Variants in STRN observed in about 807,000 individuals in gnomAD.
The protein encoded by STRN is protein phosphatase 2 regulatory subunit B'''alpha.
STRN carries 53 observed loss-of-function variants against 96.3 expected under a neutral mutation model. The observed-to-expected ratio is 0.55, with a 90% CI of 0.44 to 0.69. The LOEUF is 0.69. Among genes scored for constraint, STRN ranks in the 30% least tolerant of loss-of-function variants. The pLI, the probability that STRN is intolerant of heterozygous loss-of-function variation, is 0.00. For missense variants in STRN, 987 were observed against 963.9 expected (o/e 1.02, Z -0.32); for synonymous variants, 428 against 355.9 (o/e 1.20, Z -2.28).
At chr2:36,941,531 A>G (rs975978977) in intron 1 of STRN, among the ~76,000 whole-genome samples, 25 of 151,814 alleles carry the variant, frequency 1.6e-4, no homozygotes, top group Admixed American at 7.2e-4. Flanking sequence ...GCAAAATTTT[A>G]TAACTTATTT....
chr2:36,928,335 G>A (rs1315656479), intron 1 of STRN, among the ~76,000 whole-genome samples: 1 of 152,120 alleles, frequency 6.6e-6, no homozygotes, highest in Admixed American at 6.6e-5. Flanking sequence ...GAAAAAAAGG[G>A]AAGGAAAAAA....
chr2:36,870,050 T>C (rs565364767), intron 10 of STRN, among the ~76,000 whole-genome samples: 1 of 152,298 alleles, frequency 6.6e-6, no homozygotes, highest in African/African-American at 2.4e-5. Flanking sequence ...AATTATAGTA[T>C]ACAAGTATAA....
At chr2:36,910,622 T>C (rs916601897) in intron 3 of STRN, among the ~76,000 whole-genome samples, 3 of 152,130 alleles carry the variant, frequency 2.0e-5, no homozygotes, top group Admixed American at 6.5e-5. Context: ...AGAGATAAAA[T>C]TGAATCCTAA....
At chr2:36,929,256 A>G (rs1304064568) in intron 1 of STRN, among the ~76,000 whole-genome samples, 1 of 152,226 alleles carries the variant, frequency 6.6e-6, no homozygotes, top group Non-Finnish European at 1.5e-5. Flanking sequence ...TTTCAATTCT[A>G]ATTTGTCAAA....
chr2:36,955,549 T>C (rs1162676260), intron 1 of STRN, among the ~76,000 whole-genome samples: 1 of 152,196 alleles, frequency 6.6e-6, no homozygotes, highest in Non-Finnish European at 1.5e-5. Context: ...CTCTGCTCTT[T>C]CCACCCCTCT....
chr2:36,850,062 A>G (rs933876426), intron 16 of STRN, among the ~76,000 whole-genome samples: 1 of 152,198 alleles, frequency 6.6e-6, no homozygotes, highest in Non-Finnish European at 1.5e-5. Context: ...TCTACACGCA[A>G]CCCTTAAGCC....
At position 36,867,496 on chromosome 2, in the gene STRN, G is replaced by A. The variant is rs73924922; in HGVS notation, c.1547+318C>T. 5.7e-3 allele frequency: 1,080 copies of A among 188,246 alleles called. 12 individuals carry two copies. The highest frequency in any genetic ancestry group is 0.023 in the African/African-American group (997 of 43,230). 11.7% of individuals were successfully genotyped at this position (188,246 alleles called of 1,614,324 possible). A position where few individuals can be genotyped will look rare whatever the true frequency, so the allele number is the denominator to read the frequency against. Reference sequence around the variant, plus strand: ...TGTAGGGTATCTACTACCAAAGGAGGCACTTGAATATTTTAATCCAAATTA... The same window carrying A: ...TGTAGGGTATCTACTACCAAAGGAGACACTTGAATATTTTAATCCAAATTA... On this transcript the variant is annotated intron_variant, in intron 12 of 17. Coordinates refer to ENST00000263918, the MANE Select transcript of STRN (RefSeq NM_003162.4).
At chr2:36,871,673 C>T (rs1668765757) in intron 10 of STRN, among the ~76,000 whole-genome samples, 1 of 152,158 alleles carries the variant, frequency 6.6e-6, no homozygotes, top group Non-Finnish European at 1.5e-5. Flanking sequence ...TTGACCATTA[C>T]TGAAAATACT....
At chr2:36,942,859 C>G (rs1468582901) in intron 1 of STRN, among the ~76,000 whole-genome samples, 4 of 150,858 alleles carry the variant, frequency 2.7e-5, no homozygotes, top group Admixed American at 6.6e-5. Flanking sequence ...CCACACCCAG[C>G]TAATTTTTGA....
chr2:36,929,686 T>C (rs1023435833), intron 1 of STRN, among the ~76,000 whole-genome samples: 3 of 152,160 alleles, frequency 2.0e-5, no homozygotes, highest in Non-Finnish European at 4.4e-5. Context: ...CCCAGCCTTA[T>C]TGAAGCCATT....
In STRN at chr2:36,924,796, C is replaced by A. The variant is rs543630667; in HGVS notation, c.338+309G>T. The stretch of plus-strand genomic sequence containing the variant: ...TTTTGGCCAGGCCCAGTGGCTCACA[C>A]CTGTAATCCCAGCACTTTAGGAGGC... On this transcript the variant is annotated intron_variant, in intron 2 of 17. Coordinates refer to ENST00000263918, the MANE Select transcript of STRN (RefSeq NM_003162.4). 2.6e-5 allele frequency among the ~76,000 whole-genome samples: 4 copies of A among 152,318 alleles called. No individual in the cohort carries two copies. In the South Asian group the frequency reaches 6.2e-4, roughly 24 times the overall value.
intron 1 of STRN, among the ~76,000 whole-genome samples, chr2:36,950,545 C>T (rs1352630226): frequency 6.6e-6 from 1 of 152,076 alleles, no homozygotes; most frequent in African/African-American, 2.4e-5. Context: ...GTGGAGATGA[C>T]CATTGGCATA....
chr2:36,869,445 G>C, intron 11 of STRN, 109 bp downstream of exon 11: 3 of 1,043,368 alleles, frequency 2.9e-6, no homozygotes, highest in Non-Finnish European at 3.9e-6. Context: ...ATGGAAGAAA[G>C]AACTAGAAGA....
At chr2:36,904,479 C>T (rs538524531) in intron 4 of STRN, among the ~76,000 whole-genome samples, 1 of 152,248 alleles carries the variant, frequency 6.6e-6, no homozygotes, top group East Asian at 1.9e-4. Context: ...GATATCAGAA[C>T]CTCAACCCAT....
At chr2:36,921,622 CT>C (rs1349053194) in intron 2 of STRN, among the ~76,000 whole-genome samples, 2 of 152,186 alleles carry the variant, frequency 1.3e-5, no homozygotes, top group Non-Finnish European at 2.9e-5. Flanking sequence ...CTCAAATTAT[CT>C]TTCTCATTCA....
At chr2:36,929,639 T>A (rs1318356472) in intron 1 of STRN, among the ~76,000 whole-genome samples, 1 of 152,190 alleles carries the variant, frequency 6.6e-6, no homozygotes, top group Non-Finnish European at 1.5e-5. Flanking sequence ...CACCTCAGCC[T>A]CCCTAAGCGC....
intron 15 of STRN, among the ~76,000 whole-genome samples, chr2:36,854,349 G>A (rs372472026): frequency 1.1e-4 from 16 of 151,830 alleles, no homozygotes; most frequent in Admixed American, 6.6e-4. Flanking sequence ...TGTCTCTCTC[G>A]TTTACATCCA....
At chr2:36,867,515 C>T in intron 12 of STRN, 1 of 206,332 alleles carries the variant, frequency 4.8e-6, no homozygotes, top group South Asian at 1.7e-4. Context: ...TATTTTAATC[C>T]AAATTATATG....
At chr2:36,936,166 T>C (rs1419980937) in intron 1 of STRN, among the ~76,000 whole-genome samples, 1 of 152,196 alleles carries the variant, frequency 6.6e-6, no homozygotes. Context: ...AAAATCTTCC[T>C]GCTTGCTTAT....
Sources: allele counts gnomAD v4.1 joint callset (sites outside exome capture counted in the v4.1 genomes callset), GRCh38; gene constraint gnomAD v4.1.1; transcripts MANE v1.5; gene names NCBI Gene and HGNC (gene_info 2026-07-23, HGNC 2026-07-21).